SLC35F4: variants seen among roughly 807,000 people sequenced by gnomAD.
SLC35F4 encodes the protein solute carrier family 35 member F4.
Under a neutral mutation model 44.2 loss-of-function variants are expected in SLC35F4, and 24 were observed. The ratio of observed to expected loss-of-function variants is 0.54; its 90% CI spans 0.39 to 0.76. SLC35F4 has a LOEUF of 0.76. Ranked by LOEUF, SLC35F4 falls within the 30% of genes least tolerant of loss-of-function variation. The pLI, the probability that SLC35F4 is intolerant of heterozygous loss-of-function variation, is 0.00. For synonymous variants in SLC35F4, 238 were observed against 223.6 expected, an observed-to-expected ratio of 1.06 and a Z score of -0.57; for missense variants, 562 against 586.1, an observed-to-expected ratio of 0.96 and a Z score of 0.42.
At chr14:57,627,449 A>G (rs1337585212) in intron 1 of SLC35F4, among the ~76,000 whole-genome samples, 1 of 152,066 alleles carries the variant, frequency 6.6e-6, no homozygotes, top group East Asian at 1.9e-4. Flanking sequence ...ACCAGGGCTA[A>G]ACAAAACATT....
intron 1 of SLC35F4, among the ~76,000 whole-genome samples, chr14:57,831,819 T>C (rs1884399224): frequency 6.6e-6 from 1 of 152,192 alleles, no homozygotes; most frequent in South Asian, 2.1e-4. Flanking sequence ...TGCATTCTAA[T>C]AAGCAATGAA....
At chr14:57,662,736 A>C (rs73305912) in intron 1 of SLC35F4, among the ~76,000 whole-genome samples, 3,955 of 152,296 alleles carry the variant, frequency 0.026, 162 homozygotes, top group African/African-American at 0.089. Flanking sequence ...CATAGCCTCT[A>C]CTAAGAGTTT....
chr14:57,773,983 C>G (rs1191145070), intron 1 of SLC35F4, among the ~76,000 whole-genome samples: 1 of 152,124 alleles, frequency 6.6e-6, no homozygotes, highest in Non-Finnish European at 1.5e-5. Flanking sequence ...ACAAAGCAAT[C>G]CAAATAAGAC....
At chr14:57,872,338 CT>C (rs200486963) in intron 1 of SLC35F4, among the ~76,000 whole-genome samples, 585 of 144,386 alleles carry the variant, frequency 4.1e-3, no homozygotes, top group African/African-American at 3.8e-3. Context: ...GACATTCATC[CT>C]TTTTTTTTTT....
At chr14:57,632,258 A>G (rs1359901031) in intron 1 of SLC35F4, among the ~76,000 whole-genome samples, 1 of 151,904 alleles carries the variant, frequency 6.6e-6, no homozygotes, top group Non-Finnish European at 1.5e-5. Flanking sequence ...TAAATTTTGC[A>G]TTTTCTTTCT....
chr14:57,912,046 G>A (rs1268062932), intron 1 of SLC35F4, among the ~76,000 whole-genome samples: 1 of 151,862 alleles, frequency 6.6e-6, no homozygotes, highest in Non-Finnish European at 1.5e-5. Context: ...TTTCATCTAG[G>A]TTGTCAAATA....
intron 1 of SLC35F4, among the ~76,000 whole-genome samples, chr14:57,853,511 T>C (rs1886780232): frequency 1.3e-5 from 2 of 152,200 alleles, no homozygotes; most frequent in South Asian, 4.1e-4. Context: ...TTGGGAAACT[T>C]GACCCTGCTC....
upstream of SLC35F4, among the ~76,000 whole-genome samples, chr14:57,867,112 G>C (rs1424703198): frequency 2.0e-5 from 3 of 151,746 alleles, no homozygotes; most frequent in South Asian, 2.1e-4. Context: ...TGCAGAGCTG[G>C]CTTAAGACAT....
intron 1 of SLC35F4, among the ~76,000 whole-genome samples, chr14:57,916,453 T>C (rs1168069221): frequency 3.3e-5 from 5 of 152,248 alleles, no homozygotes; most frequent in Admixed American, 3.3e-4. Context: ...TGCCCAAGTG[T>C]AGGATCTTTT....
chr14:57,909,465 C>T (rs1044510360), intron 1 of SLC35F4, among the ~76,000 whole-genome samples: 1 of 151,882 alleles, frequency 6.6e-6, no homozygotes, highest in African/African-American at 2.4e-5. Flanking sequence ...TCCCCTTCAA[C>T]CCCTGGCAAC....
chr14:57,712,153 T>A (rs549298423), intron 1 of SLC35F4, among the ~76,000 whole-genome samples: 12 of 152,226 alleles, frequency 7.9e-5, no homozygotes, highest in Non-Finnish European at 1.6e-4. Context: ...ATAAGGTATA[T>A]TAGCCAGGGT....
chr14:57,901,978 T>A (rs1477029810), intron 1 of SLC35F4, among the ~76,000 whole-genome samples: 2 of 152,140 alleles, frequency 1.3e-5, no homozygotes, highest in Admixed American at 1.3e-4. Context: ...TGCTGTGAGT[T>A]TAATACTGTG....
At chr14:57,741,520 CGAGAA>C (rs1394308763) in intron 1 of SLC35F4, among the ~76,000 whole-genome samples, 1 of 148,414 alleles carries the variant, frequency 6.7e-6, no homozygotes, top group Non-Finnish European at 1.5e-5. Flanking sequence ...TGAAATGAAG[CGAGAA>C]GAGAAGTTTA....
At chr14:57,617,922 C>T (rs1381080729) in intron 1 of SLC35F4, among the ~76,000 whole-genome samples, 1 of 152,038 alleles carries the variant, frequency 6.6e-6, no homozygotes, top group Admixed American at 6.6e-5. Flanking sequence ...AAAATAAACT[C>T]TGACCTGATA....
intron 1 of SLC35F4, among the ~76,000 whole-genome samples, chr14:57,880,077 G>C (rs1368872115): frequency 7.7e-6 from 1 of 129,330 alleles, no homozygotes; most frequent in African/African-American, 3.3e-5. Context: ...AGGAAGGAAG[G>C]AAGGAAGGAA....
intron 1 of SLC35F4, among the ~76,000 whole-genome samples, chr14:57,938,232 C>G (rs1889851044): frequency 6.6e-6 from 1 of 151,894 alleles, no homozygotes; most frequent in Non-Finnish European, 1.5e-5. Flanking sequence ...CCAAGAAAAC[C>G]TAGACACCAA....
At chr14:57,631,784 C>T (rs1223023228) in intron 1 of SLC35F4, among the ~76,000 whole-genome samples, 2 of 152,050 alleles carry the variant, frequency 1.3e-5, no homozygotes, top group East Asian at 3.9e-4. Flanking sequence ...TTTATAATTT[C>T]TAGTATTTCT....
intron 4 of SLC35F4, 73 bp downstream of exon 4, chr14:57,581,141 C>T: frequency 7.2e-7 from 1 of 1,397,466 alleles, no homozygotes; most frequent in Non-Finnish European, 9.4e-7. Flanking sequence ...CGAAACAAAG[C>T]AGACAGGCTC....
intron 1 of SLC35F4, among the ~76,000 whole-genome samples, chr14:57,773,917 G>A (rs1012779200): frequency 2.0e-5 from 3 of 152,158 alleles, no homozygotes; most frequent in Non-Finnish European, 4.4e-5. Context: ...CCCAGACCTT[G>A]CCTTCCTTTA....
Sources: gnomAD v4.1 joint callset for allele counts (sites outside exome capture counted in the v4.1 genomes callset) on GRCh38, gnomAD v4.1.1 for gene constraint, MANE v1.5 for transcripts, NCBI Gene and HGNC (gene_info 2026-07-23, HGNC 2026-07-21) for gene names.